The following ACVR1B variants were observed in gnomAD, a reference collection of about 807,000 sequenced individuals.
The protein encoded by ACVR1B is activin receptor type-1B.
A neutral mutation model predicts 55.6 loss-of-function variants in ACVR1B; 15 were observed. The observed-to-expected ratio is 0.27, with a 90% CI of 0.18 to 0.42. ACVR1B has a LOEUF of 0.42. Among genes scored for constraint, ACVR1B ranks in the 10% least tolerant of loss-of-function variants. ACVR1B has a pLI of 1.00. For missense variants in ACVR1B, 359 were observed against 670.1 expected (o/e 0.54, Z 5.13); for synonymous variants, 247 against 254.6 (o/e 0.97, Z 0.28).
rs2120596392 is a variant in ACVR1B at position 51,975,252 on chromosome 12, C to T, written c.92-13C>T. 1 of 1,603,278 alleles carries T rather than the reference C, an allele frequency of 6.2e-7. No homozygotes were observed. Among genetic ancestry groups the T allele is most frequent in the Non-Finnish European group, 8.5e-7 (1 of 1,174,410 alleles). On this transcript the variant is annotated splice_polypyrimidine_tract_variant and intron_variant, in intron 1 of 8. Coordinates refer to ENST00000257963, the MANE Select transcript of ACVR1B (RefSeq NM_004302.5). Reference sequence around the variant, plus strand: ...ACCATTGATGTCAATGTCTGCTCCCCAATTTCCTGCAGCTCTGCTGTGTGC... The same window carrying T: ...ACCATTGATGTCAATGTCTGCTCCCTAATTTCCTGCAGCTCTGCTGTGTGC...
rs368353206 is a variant in ACVR1B, at chr12:51,967,567, AAAAC to A, written c.92-7686_92-7683del. On this transcript the variant is annotated intron_variant, in intron 1 of 8. Coordinates refer to ENST00000257963, the MANE Select transcript of ACVR1B (RefSeq NM_004302.5). ...AGAGCAAGACTCCGTCTTAAAAACA[AAAAC>A]AAACAAACAAAAATATTAAAGGTTG... 2.6e-3 allele frequency among the ~76,000 whole-genome samples: 395 copies of A among 152,366 alleles called. 2 individuals are homozygous for A. The highest frequency in any genetic ancestry group is 0.01 in the South Asian group (50 of 4,830).
At chr12:51,953,263 A>T (rs749551318) in intron 1 of ACVR1B, 4 of 813,502 alleles carry the variant, frequency 4.9e-6, no homozygotes, top group Non-Finnish European at 5.9e-6. Context: ...AATAAACCAG[A>T]CAGTCAAGAA....
chr12:51,957,042 G>A (rs1373161185), intron 1 of ACVR1B, among the ~76,000 whole-genome samples: 2 of 151,852 alleles, frequency 1.3e-5, no homozygotes, highest in African/African-American at 2.4e-5. Flanking sequence ...CTGAGATTAC[G>A]GGTATGAGCC....
At chr12:51,964,724 C>T (rs545338233) in intron 1 of ACVR1B, among the ~76,000 whole-genome samples, 15 of 152,224 alleles carry the variant, frequency 9.9e-5, no homozygotes, top group African/African-American at 3.6e-4. Context: ...GAGACTTTTC[C>T]TCCCCCCTGT....
In ACVR1B at chr12:51,951,739, T is replaced by G. The variant is rs747977898; in HGVS notation, c.-5T>G. ...GCGGCGGCGGCGGCGGCGGCGGTGGTTACTATGGCGGAGTCGGCCGGAGCC... is the reference window on the plus strand; with the variant it reads ...GCGGCGGCGGCGGCGGCGGCGGTGGGTACTATGGCGGAGTCGGCCGGAGCC... On this transcript the variant is annotated 5_prime_UTR_variant, in exon 1 of 9. Transcript: ENST00000257963. 7.3e-6 allele frequency: 9 copies of G among 1,236,620 alleles called. No individual in the cohort carries two copies. The highest frequency in any genetic ancestry group is 8.2e-6 in the Non-Finnish European group (8 of 979,644). 76.6% of individuals were successfully genotyped at this position (1,236,620 alleles called of 1,614,324 possible).
At chr12:51,963,861 A>G (rs902419893) in intron 1 of ACVR1B, among the ~76,000 whole-genome samples, 2 of 152,232 alleles carry the variant, frequency 1.3e-5, no homozygotes, top group Non-Finnish European at 2.9e-5. Context: ...TTAAGGAACC[A>G]TCAAGCTTTT....
Position 51,976,696 on chromosome 12 carries a change from G to C in ACVR1B, c.580+121G>C, listed in dbSNP as rs1941864688. 5.5e-6 allele frequency: 7 copies of C among 1,280,994 alleles called. 1 individual carries two copies. The South Asian group carries it at 8.5e-5, about 16-fold the overall frequency. The allele number at this position is 1,280,994 out of a possible 1,614,324, so 79.4% of individuals were successfully genotyped here. A position where few individuals can be genotyped will look rare whatever the true frequency, so the allele number is the denominator to read the frequency against. ...TGTTTCTACCAGCATTGAGTCATTT[G>C]GTTTCCTAGTTCCCCTTCTTTTGGA... On this transcript the variant is annotated intron_variant, in intron 3 of 8. Coordinates refer to ENST00000257963, the MANE Select transcript of ACVR1B (RefSeq NM_004302.5).
At chr12:51,986,689 T>A (rs1420131568) in intron 6 of ACVR1B, 129 bp from the exon 7 acceptor site, 29 of 1,294,978 alleles carry the variant, frequency 2.2e-5, no homozygotes, top group African/African-American at 8.9e-5. Flanking sequence ...TGTGTACACT[T>A]CTTCTGCCCC....
chr12:51,952,329 C>G (rs1009281111), intron 1 of ACVR1B, among the ~76,000 whole-genome samples: 1 of 152,156 alleles, frequency 6.6e-6, no homozygotes, highest in Non-Finnish European at 1.5e-5. Context: ...GCACCTCAGA[C>G]TGTAGGGGAA....
chr12:51,985,901 TAG>T (rs1416045263), intron 6 of ACVR1B, among the ~76,000 whole-genome samples: 1 of 152,142 alleles, frequency 6.6e-6, no homozygotes, highest in African/African-American at 2.4e-5. Context: ...TGCCTTTTAA[TAG>T]AGTGGAAGAG....
chr12:51,987,947 A>C (rs945058792), intron 7 of ACVR1B, among the ~76,000 whole-genome samples: 2 of 152,240 alleles, frequency 1.3e-5, no homozygotes, highest in Non-Finnish European at 2.9e-5. Context: ...AAAACATCTC[A>C]TGTACCCCAT....
Position 51,951,822 on chromosome 12 carries a change from C to CG in ACVR1B, c.85dup (p.Val29GlyfsTer19). ...CGCCGGCAGCGGCGGGTCCGGGCCC[C>CG]GGGGGGTCCAGGGTGAGTCCTGGGA... is the stretch of plus-strand genomic sequence containing the variant. On this transcript the variant is annotated frameshift_variant, in exon 1 of 9. Coordinates refer to ENST00000257963, the MANE Select transcript of ACVR1B (RefSeq NM_004302.5). LOFTEE classifies it high-confidence loss of function. 1.6e-6 allele frequency: 2 copies of CG among 1,276,846 alleles called. No individual in the cohort carries two copies. The highest frequency in any genetic ancestry group is 2.9e-5 in the East Asian group (1 of 34,078). The allele number at this position is 1,276,846 out of a possible 1,614,324, so 79.1% of individuals were successfully genotyped here.
chr12:51,970,844 A>G (rs1941733513), intron 1 of ACVR1B, among the ~76,000 whole-genome samples: 1 of 152,192 alleles, frequency 6.6e-6, no homozygotes, highest in Non-Finnish European at 1.5e-5. Context: ...TAAATTTATG[A>G]AATTTATTAT....
intron 4 of ACVR1B, among the ~76,000 whole-genome samples, chr12:51,982,526 C>T (rs570594148): frequency 2.0e-5 from 3 of 152,254 alleles, no homozygotes; most frequent in African/African-American, 7.2e-5. Context: ...TAGTGGCACC[C>T]GGAGCACAGA....
intron 3 of ACVR1B, among the ~76,000 whole-genome samples, chr12:51,978,003 AT>A (rs1211704917): frequency 6.6e-6 from 1 of 152,028 alleles, no homozygotes; most frequent in Non-Finnish European, 1.5e-5. Context: ...CTGTGGGGAA[AT>A]TATGCCATCA....
At chr12:51,952,892 T>C (rs1447965351) in intron 1 of ACVR1B, among the ~76,000 whole-genome samples, 1 of 140,522 alleles carries the variant, frequency 7.1e-6, no homozygotes, top group Non-Finnish European at 1.5e-5. Flanking sequence ...CACTCTCCTC[T>C]CTGTAGAAGC....
chr12:51,967,341 C>G (rs1259606634), intron 1 of ACVR1B, among the ~76,000 whole-genome samples: 2 of 151,398 alleles, frequency 1.3e-5, no homozygotes, highest in Non-Finnish European at 2.9e-5. Context: ...GGTGGGTCAC[C>G]TGAGGTCAGG....
intron 1 of ACVR1B, among the ~76,000 whole-genome samples, chr12:51,958,516 C>T (rs1230984881): frequency 2.0e-5 from 3 of 151,924 alleles, no homozygotes; most frequent in Non-Finnish European, 2.9e-5. Context: ...GTAGTGGCAG[C>T]GCATGCCTGT....
At chr12:51,982,831 T>C in intron 4 of ACVR1B, 1 of 1,478,958 alleles carries the variant, frequency 6.8e-7, no homozygotes, top group Non-Finnish European at 8.9e-7. Context: ...TTTTTAAAAC[T>C]ATCACCTTTT....
Sources: allele counts gnomAD v4.1 joint callset (sites outside exome capture counted in the v4.1 genomes callset), GRCh38; gene constraint gnomAD v4.1.1; transcripts MANE v1.5; gene names NCBI Gene and HGNC (gene_info 2026-07-23, HGNC 2026-07-21).